B3GAT2: variants seen among roughly 807,000 people sequenced by gnomAD.
B3GAT2 encodes beta-1,3-glucuronyltransferase 2.
In B3GAT2, 26 loss-of-function variants were observed where a neutral mutation model predicts 27.8. That is an observed-to-expected ratio of 0.93 (90% CI 0.68 to 1.30). The LOEUF (loss-of-function observed/expected upper bound fraction) is 1.30, where lower values mean the gene tolerates loss of function less well. Ranked by LOEUF, B3GAT2 falls within the 50% of genes most tolerant of loss-of-function variation. The pLI is 0.00. For missense variants in B3GAT2, 458 were observed against 459.0 expected (o/e 1.00, Z 0.02); for synonymous variants, 218 against 195.1 (o/e 1.12, Z -0.98).
At chr6:70,915,582 A>T (rs140004651) in intron 1 of B3GAT2, among the ~76,000 whole-genome samples, 9 of 152,268 alleles carry the variant, frequency 5.9e-5, no homozygotes, top group African/African-American at 2.2e-4. Flanking sequence ...TAATTTTTGT[A>T]TAAGGTGTAA....
intron 1 of B3GAT2, among the ~76,000 whole-genome samples, chr6:70,952,032 G>T (rs12192052): frequency 0.15 from 22,281 of 151,900 alleles, 1,895 homozygotes; most frequent in East Asian, 0.34. Context: ...TTGTAAACTC[G>T]TATATCCTTC....
intron 1 of B3GAT2, among the ~76,000 whole-genome samples, chr6:70,944,694 T>G (rs1047464028): frequency 6.6e-6 from 1 of 152,174 alleles, no homozygotes; most frequent in African/African-American, 2.4e-5. Flanking sequence ...TAAATGTCCC[T>G]GTCTGACAGC....
At chr6:70,862,322 C>T (rs1379749900) in intron 2 of B3GAT2, among the ~76,000 whole-genome samples, 1 of 152,102 alleles carries the variant, frequency 6.6e-6, no homozygotes, top group African/African-American at 2.4e-5. Flanking sequence ...GAAATAAATG[C>T]AGCTGAAAAA....
At chr6:70,869,094 C>T (rs1771896046) in intron 2 of B3GAT2, among the ~76,000 whole-genome samples, 1 of 152,138 alleles carries the variant, frequency 6.6e-6, no homozygotes, top group Admixed American at 6.6e-5. Context: ...AATCAACTGA[C>T]CATAAATGAT....
At chr6:70,924,790 T>G (rs768754453) in intron 1 of B3GAT2, among the ~76,000 whole-genome samples, 4 of 152,204 alleles carry the variant, frequency 2.6e-5, no homozygotes, top group Admixed American at 6.5e-5. Flanking sequence ...CAAACTAAAC[T>G]ACTTTCGTAA....
chr6:70,879,007 C>G (rs1389492032), intron 2 of B3GAT2, among the ~76,000 whole-genome samples: 1 of 152,162 alleles, frequency 6.6e-6, no homozygotes, highest in Non-Finnish European at 1.5e-5. Context: ...TTTGCTTCTC[C>G]TATTTCCAGA....
intron 1 of B3GAT2, among the ~76,000 whole-genome samples, chr6:70,932,772 A>C (rs1025501701): frequency 3.9e-5 from 6 of 152,222 alleles, no homozygotes; most frequent in African/African-American, 1.4e-4. Flanking sequence ...GAGGAAAGTA[A>C]CATAACAAAA....
chr6:70,881,421 C>T (rs1178498935), intron 2 of B3GAT2, among the ~76,000 whole-genome samples: 1 of 152,086 alleles, frequency 6.6e-6, no homozygotes, highest in Non-Finnish European at 1.5e-5. Flanking sequence ...CTCATATTTG[C>T]AAACAGAAGT....
chr6:70,938,557 T>C (rs868853998), intron 1 of B3GAT2, among the ~76,000 whole-genome samples: 1 of 150,342 alleles, frequency 6.7e-6, no homozygotes, highest in South Asian at 2.1e-4. Flanking sequence ...AAAACAGAGA[T>C]ATAGATCAAT....
intron 1 of B3GAT2, among the ~76,000 whole-genome samples, chr6:70,925,177 T>C (rs1321205377): frequency 6.6e-6 from 1 of 152,178 alleles, no homozygotes; most frequent in Non-Finnish European, 1.5e-5. Flanking sequence ...AGCAGGATCG[T>C]TACAAGATGG....
intron 2 of B3GAT2, among the ~76,000 whole-genome samples, chr6:70,880,259 A>G (rs1772081041): frequency 6.6e-6 from 1 of 152,178 alleles, no homozygotes; most frequent in African/African-American, 2.4e-5. Flanking sequence ...ATTTTAGGAA[A>G]CATTCACAGT....
At chr6:70,880,275 A>G (rs1234599186) in intron 2 of B3GAT2, among the ~76,000 whole-genome samples, 1 of 152,162 alleles carries the variant, frequency 6.6e-6, no homozygotes, top group Non-Finnish European at 1.5e-5. Context: ...ACAGTGAACC[A>G]GGCCTTGTCC....
Position 70,860,301 on chromosome 6 carries a change from A to G in B3GAT2, c.*1362T>C, listed in dbSNP as rs779746245. On this transcript the variant is annotated 3_prime_UTR_variant, in exon 4 of 4. Coordinates refer to ENST00000230053, the MANE Select transcript of B3GAT2 (RefSeq NM_080742.3). The stretch of plus-strand genomic sequence containing the variant: ...CAGCAGGATGGTCTGGAAGCTCATC[A>G]GGTCAGACTCTCAGCACACAACTGT... The G allele has an allele frequency of 6.2e-7, 1 of 1,613,530 alleles. No individual in the cohort carries two copies. Among genetic ancestry groups the G allele is most frequent in the East Asian group, 2.2e-5 (1 of 44,856 alleles).
intron 1 of B3GAT2, among the ~76,000 whole-genome samples, chr6:70,910,544 A>G (rs1057007676): frequency 1.3e-4 from 20 of 152,188 alleles, no homozygotes; most frequent in Admixed American, 1.2e-3. Flanking sequence ...CATGGTGTAT[A>G]TGTACCACAT....
chr6:70,932,928 A>G (rs1773082839), intron 1 of B3GAT2, among the ~76,000 whole-genome samples: 1 of 152,136 alleles, frequency 6.6e-6, no homozygotes, highest in African/African-American at 2.4e-5. Flanking sequence ...CAGCCTCTCA[A>G]GTAGCTGAGG....
Position 70,857,935 on chromosome 6 carries a change from A to G in B3GAT2, c.*3728T>C. ...TTTGTGGTGCAGGTGTATTTATGGG[A>G]CCCACAAATATACCATTTACCTCAC... On this transcript the variant is annotated 3_prime_UTR_variant, in exon 4 of 4. Coordinates refer to ENST00000230053, the MANE Select transcript of B3GAT2 (RefSeq NM_080742.3). The G allele has an allele frequency of 6.2e-7, 1 of 1,613,858 alleles. No individual in the cohort carries two copies. Among genetic ancestry groups the G allele is most frequent in the Non-Finnish European group, 8.5e-7 (1 of 1,179,884 alleles).
At chr6:70,932,910 TC>T (rs752075506) in intron 1 of B3GAT2, among the ~76,000 whole-genome samples, 20 of 152,234 alleles carry the variant, frequency 1.3e-4, no homozygotes, top group Non-Finnish European at 2.6e-4. Flanking sequence ...CAAACAATCC[TC>T]CCACCTCAGC....
At chr6:70,869,170 G>C (rs1169946846) in intron 2 of B3GAT2, among the ~76,000 whole-genome samples, 1 of 152,092 alleles carries the variant, frequency 6.6e-6, no homozygotes, top group African/African-American at 2.4e-5. Flanking sequence ...GTACCACACT[G>C]TATTACTGTA....
chr6:70,881,393 A>G (rs1376757485), intron 2 of B3GAT2, among the ~76,000 whole-genome samples: 1 of 152,078 alleles, frequency 6.6e-6, no homozygotes, highest in Non-Finnish European at 1.5e-5. Flanking sequence ...GTCTTGGTTT[A>G]CTTTTTTTAA....
Sources: allele counts gnomAD v4.1 joint callset (sites outside exome capture counted in the v4.1 genomes callset), GRCh38; gene constraint gnomAD v4.1.1; transcripts MANE v1.5; gene names NCBI Gene and HGNC (gene_info 2026-07-23, HGNC 2026-07-21).